The following WDFY3 variants were observed in gnomAD, a reference collection of about 807,000 sequenced individuals.
WDFY3 encodes WD repeat and FYVE domain containing 3.
In WDFY3, 66 loss-of-function variants were observed where a neutral mutation model predicts 409.6. That is an observed-to-expected ratio of 0.16 (90% CI 0.13 to 0.20). WDFY3 has a LOEUF of 0.20. Ranked by LOEUF, WDFY3 falls within the 10% of genes least tolerant of loss-of-function variation. WDFY3 has a pLI of 1.00. For missense variants in WDFY3, 3,031 were observed against 4,298.1 expected (o/e 0.71, Z 8.24); for synonymous variants, 1,521 against 1,537.1 (o/e 0.99, Z 0.25).
chr4:84,729,145 CA>C (rs1560611791), intron 44 of WDFY3, among the ~76,000 whole-genome samples: 4 of 151,918 alleles, frequency 2.6e-5, no homozygotes. Context: ...ATGAACTTTG[CA>C]AATAATAGTA....
At chr4:84,736,397 A>C (rs1737435988) in intron 41 of WDFY3, 70 bp from the exon 42 acceptor site, 2 of 1,427,572 alleles carry the variant, frequency 1.4e-6, no homozygotes, top group African/African-American at 2.9e-5. Flanking sequence ...TTAAAAACTT[A>C]TCTGGTTATA....
chr4:84,713,294 T>C, intron 50 of WDFY3, 55 bp from the exon 51 acceptor site: 2 of 1,498,224 alleles, frequency 1.3e-6, no homozygotes, highest in Admixed American at 1.7e-5. Flanking sequence ...CAGGATCTAA[T>C]GGGAAGCCTA....
At chr4:84,705,958 G>A (rs975879461) in intron 53 of WDFY3, among the ~76,000 whole-genome samples, 1 of 125,494 alleles carries the variant, frequency 8.0e-6, no homozygotes, top group Non-Finnish European at 1.6e-5. Context: ...TCCCTCCAAC[G>A]TTACTTCTGA....
Position 84,934,494 on chromosome 4 carries a change from T to C in WDFY3, c.-225-2131A>G, listed in dbSNP as rs112775618. Among the ~76,000 whole-genome samples, 1,288 of 152,314 alleles carry C rather than the reference T, an allele frequency of 8.5e-3. 21 individuals are homozygous for C. The highest frequency in any genetic ancestry group is 0.03 in the African/African-American group (1,233 of 41,588). Reference sequence around the variant, plus strand: ...AGTTTTTACTGAGTCACTTGCCAGATGGCAGATACATACAAGCTTAATGAG... The same window carrying C: ...AGTTTTTACTGAGTCACTTGCCAGACGGCAGATACATACAAGCTTAATGAG... On this transcript the variant is annotated intron_variant, in intron 1 of 67. Coordinates refer to ENST00000295888, the MANE Select transcript of WDFY3 (RefSeq NM_014991.6).
intron 1 of WDFY3, among the ~76,000 whole-genome samples, chr4:84,964,779 C>A (rs546063737): frequency 6.6e-6 from 1 of 152,228 alleles, no homozygotes; most frequent in South Asian, 2.1e-4. Context: ...GCCTTGGCCT[C>A]CCAAAGTGCT....
intron 5 of WDFY3, 74 bp downstream of exon 5, chr4:84,849,828 A>G: frequency 6.3e-7 from 1 of 1,576,344 alleles, no homozygotes; most frequent in Non-Finnish European, 8.6e-7. Flanking sequence ...TTTTCCATTT[A>G]ATTTTAATGG....
intron 2 of WDFY3, among the ~76,000 whole-genome samples, chr4:84,910,540 G>C (rs930947269): frequency 2.6e-5 from 4 of 151,990 alleles, no homozygotes; most frequent in African/African-American, 7.3e-5. Flanking sequence ...TTTTCAACAA[G>C]AGAGCCAAGA....
intron 1 of WDFY3, among the ~76,000 whole-genome samples, chr4:84,943,564 G>A (rs974707017): frequency 2.6e-5 from 4 of 152,012 alleles, no homozygotes; most frequent in African/African-American, 9.7e-5. Context: ...ATAAATCGAC[G>A]GTTTATGTTA....
chr4:84,805,098 AC>A (rs1751296393), intron 15 of WDFY3, among the ~76,000 whole-genome samples: 1 of 152,214 alleles, frequency 6.6e-6, no homozygotes, highest in Admixed American at 6.5e-5. Flanking sequence ...TGTTTCATGT[AC>A]AAAATTATTA....
intron 1 of WDFY3, among the ~76,000 whole-genome samples, chr4:84,942,028 C>T (rs760793636): frequency 6.6e-6 from 1 of 152,038 alleles, no homozygotes; most frequent in Non-Finnish European, 1.5e-5. Flanking sequence ...ACACATCACA[C>T]ACTATATACA....
At chr4:84,684,162 C>A in intron 62 of WDFY3, 37 bp from the exon 63 acceptor site, 1 of 1,482,400 alleles carries the variant, frequency 6.7e-7, no homozygotes, top group Non-Finnish European at 9.1e-7. Context: ...CTCTTTGCTC[C>A]CTTCCAATTA....
intron 44 of WDFY3, among the ~76,000 whole-genome samples, chr4:84,727,969 A>C (rs1735941445): frequency 6.6e-6 from 1 of 152,202 alleles, no homozygotes; most frequent in Non-Finnish European, 1.5e-5. Context: ...ATATTTGTTA[A>C]AACTCACTGA....
At chr4:84,909,047 C>T (rs891963518) in intron 2 of WDFY3, among the ~76,000 whole-genome samples, 1 of 151,284 alleles carries the variant, frequency 6.6e-6, no homozygotes, top group Admixed American at 6.6e-5. Context: ...CACACACACA[C>T]GCACACACAC....
rs539321602 is a variant in WDFY3, at chr4:84,734,527, T to G, written c.6993+516A>C. Among the ~76,000 whole-genome samples, 8 of 152,324 alleles carry G rather than the reference T, an allele frequency of 5.3e-5. No homozygotes were observed. In the South Asian group the frequency reaches 1.7e-3, roughly 32 times the overall value. Reference sequence around the variant, plus strand: ...AATAGCTAATCTGAGAATAAAATATTTAAGATAAGCTTTTGAGTAATTATG... The same window carrying G: ...AATAGCTAATCTGAGAATAAAATATGTAAGATAAGCTTTTGAGTAATTATG... On this transcript the variant is annotated intron_variant, in intron 43 of 67. Transcript: ENST00000295888.
At chr4:84,884,753 A>G (rs1382951752) in intron 3 of WDFY3, among the ~76,000 whole-genome samples, 2 of 152,184 alleles carry the variant, frequency 1.3e-5, no homozygotes, top group Non-Finnish European at 2.9e-5. Context: ...AAACTGACCA[A>G]GGTAGAGGTG....
chr4:84,865,906 C>A (rs1761323837), intron 3 of WDFY3, among the ~76,000 whole-genome samples: 1 of 152,018 alleles, frequency 6.6e-6, no homozygotes, highest in African/African-American at 2.4e-5. Flanking sequence ...CCCATCTCTA[C>A]AAAAAATACA....
intron 67 of WDFY3, among the ~76,000 whole-genome samples, chr4:84,674,372 C>A (rs527656467): frequency 7.6e-4 from 115 of 151,634 alleles, no homozygotes; most frequent in Non-Finnish European, 1.4e-3. Context: ...GGCTGTGAGA[C>A]CAGCCTGGGG....
chr4:84,913,885 C>A (rs1467098939), intron 2 of WDFY3, among the ~76,000 whole-genome samples: 1 of 152,068 alleles, frequency 6.6e-6, no homozygotes, highest in Admixed American at 6.6e-5. Context: ...TTCTGCCACT[C>A]CTAAGACTGC....
intron 2 of WDFY3, among the ~76,000 whole-genome samples, chr4:84,928,612 GA>G (rs544558894): frequency 6.6e-6 from 1 of 152,098 alleles, no homozygotes; most frequent in Admixed American, 6.6e-5. Context: ...AACTGTAATT[GA>G]GCAGTACCCT....
Sources: allele counts gnomAD v4.1 joint callset (sites outside exome capture counted in the v4.1 genomes callset), GRCh38; gene constraint gnomAD v4.1.1; transcripts MANE v1.5; gene names NCBI Gene and HGNC (gene_info 2026-07-23, HGNC 2026-07-21).